The following ZNF385B variants were observed in gnomAD, a reference collection of about 807,000 sequenced individuals.
ZNF385B encodes the protein zinc finger protein 533.
A neutral mutation model predicts 39.2 loss-of-function variants in ZNF385B; 23 were observed. The observed-to-expected ratio is 0.59, with a 90% confidence interval of 0.42 to 0.83. ZNF385B has a LOEUF of 0.83. Among genes scored for constraint, ZNF385B ranks in the 40% least tolerant of loss-of-function variants. The pLI, the probability that ZNF385B is intolerant of heterozygous loss-of-function variation, is 0.00. For synonymous variants in ZNF385B, 205 were observed against 222.6 expected (o/e 0.92, Z 0.70); for missense variants, 552 against 598.9 (o/e 0.92, Z 0.82).
At chr2:179,791,114 C>T (rs1479501153) in intron 1 of ZNF385B, among the ~76,000 whole-genome samples, 1 of 152,172 alleles carries the variant, frequency 6.6e-6, no homozygotes, top group Non-Finnish European at 1.5e-5. Flanking sequence ...TGCAAACTGA[C>T]ATTTAATTAT....
chr2:179,777,762 T>C (rs1418086916), intron 1 of ZNF385B, among the ~76,000 whole-genome samples: 1 of 144,976 alleles, frequency 6.9e-6, no homozygotes, highest in African/African-American at 2.5e-5. Context: ...CTTCCTTATA[T>C]CAAGAGGTTT....
At chr2:179,560,043 C>T (rs190513004) in intron 3 of ZNF385B, among the ~76,000 whole-genome samples, 4 of 152,174 alleles carry the variant, frequency 2.6e-5, no homozygotes, top group Admixed American at 2.6e-4. Context: ...TGGCTTATTT[C>T]ATTTAACGTA....
chr2:179,857,670 G>A (rs1684711675), intron 1 of ZNF385B, among the ~76,000 whole-genome samples: 1 of 152,222 alleles, frequency 6.6e-6, no homozygotes, highest in Non-Finnish European at 1.5e-5. Context: ...GGGTAGGGAG[G>A]GGGAGCTAGT....
intron 4 of ZNF385B, among the ~76,000 whole-genome samples, chr2:179,521,353 G>GTTT (rs56392185): frequency 0.27 from 29,126 of 107,752 alleles, 5,112 homozygotes; most frequent in East Asian, 0.53. Context: ...CACCTGGCCA[G>GTTT]TTTTTTTTTT....
chr2:179,666,493 G>A (rs1695174046), intron 3 of ZNF385B, among the ~76,000 whole-genome samples: 1 of 152,094 alleles, frequency 6.6e-6, no homozygotes, highest in East Asian at 1.9e-4. Context: ...GCTTTCAAAT[G>A]GAGAATATAG....
At chr2:179,640,460 T>A (rs950873712) in intron 3 of ZNF385B, among the ~76,000 whole-genome samples, 1 of 151,948 alleles carries the variant, frequency 6.6e-6, no homozygotes, top group African/African-American at 2.4e-5. Context: ...GAAACATTAA[T>A]CAACATTCTA....
rs114235711 is a variant in ZNF385B, at chr2:179,543,834, T to C, written c.441+993A>G. 6.2e-3 allele frequency among the ~76,000 whole-genome samples: 939 copies of C among 152,282 alleles called. 12 individuals are homozygous for C. The highest frequency in any genetic ancestry group is 0.021 in the African/African-American group (876 of 41,544). On this transcript the variant is annotated intron_variant, in intron 4 of 9. Transcript: ENST00000410066. Reference sequence around the variant, plus strand: ...CCTGACAGAGGGCCTGTCAGCAGATTTTATTGACAATCCTTAAGGAAAAAT... The same window carrying C: ...CCTGACAGAGGGCCTGTCAGCAGATCTTATTGACAATCCTTAAGGAAAAAT...
At chr2:179,701,020 CAAAACAAAAACA>C (rs900762449) in intron 3 of ZNF385B, among the ~76,000 whole-genome samples, 1 of 151,974 alleles carries the variant, frequency 6.6e-6, no homozygotes, top group Admixed American at 6.5e-5. Context: ...TTCAAAAAAA[CAAAACAAAAACA>C]AAAACAAAAC....
intron 3 of ZNF385B, among the ~76,000 whole-genome samples, chr2:179,547,263 G>A (rs1306966407): frequency 6.7e-6 from 1 of 149,356 alleles, no homozygotes; most frequent in East Asian, 1.9e-4. Flanking sequence ...CCTGTGCTTG[G>A]AGGGTATTAC....
intron 3 of ZNF385B, among the ~76,000 whole-genome samples, chr2:179,646,906 T>C (rs950727603): frequency 3.9e-5 from 6 of 152,234 alleles, no homozygotes; most frequent in Admixed American, 3.9e-4. Context: ...GAGACATAGA[T>C]AAAGCTATAA....
intron 3 of ZNF385B, among the ~76,000 whole-genome samples, chr2:179,644,088 G>A (rs913084156): frequency 6.6e-6 from 1 of 151,832 alleles, no homozygotes; most frequent in Non-Finnish European, 1.5e-5. Flanking sequence ...TTTGAGAACT[G>A]CTAGTCTGGC....
intron 3 of ZNF385B, among the ~76,000 whole-genome samples, chr2:179,736,776 C>A (rs1275584830): frequency 1.3e-5 from 2 of 152,070 alleles, no homozygotes; most frequent in Non-Finnish European, 2.9e-5. Flanking sequence ...TCGAGACCAG[C>A]CTGGGCAACA....
At chr2:179,599,730 G>T (rs976797164) in intron 3 of ZNF385B, among the ~76,000 whole-genome samples, 1 of 152,184 alleles carries the variant, frequency 6.6e-6, no homozygotes, top group African/African-American at 2.4e-5. Flanking sequence ...TCAAACAAGT[G>T]ATTGTGTAGA....
intron 3 of ZNF385B, among the ~76,000 whole-genome samples, chr2:179,748,098 T>C (rs1215834723): frequency 6.6e-6 from 1 of 152,142 alleles, no homozygotes; most frequent in Non-Finnish European, 1.5e-5. Flanking sequence ...AGATGTTCTC[T>C]TGCTTAGGCA....
rs554980165 is a variant in ZNF385B at position 179,633,062 on chromosome 2, T to G, written c.299-88093A>C. Among the ~76,000 whole-genome samples the G allele has an allele frequency of 4.4e-4, 67 of 152,284 alleles. 1 individual carries two copies. In the South Asian group the frequency reaches 8.5e-3, roughly 19 times the overall value. ...GCTCTGAAATTGAGGTAATAATTGATAGCCTACCAACTAAAAAATGTCCAG... is the reference window on the plus strand; with the variant it reads ...GCTCTGAAATTGAGGTAATAATTGAGAGCCTACCAACTAAAAAATGTCCAG... On this transcript the variant is annotated intron_variant, in intron 3 of 9. Transcript: ENST00000410066.
chr2:179,782,408 C>T lies in ZNF385B; in HGVS notation c.-154-11736G>A, dbSNP rs537048257. Among the ~76,000 whole-genome samples the T allele has an allele frequency of 2.0e-5, 3 of 152,232 alleles. No homozygotes were observed. The East Asian group carries it at 5.8e-4, about 29-fold the overall frequency. On this transcript the variant is annotated intron_variant, in intron 1 of 9. Transcript: ENST00000410066. Reference sequence around the variant, plus strand: ...AATGGGCAAAAGCTGGAAGCATTCTCATTAAAAACCAGCACAAGACAAGGA... The same window carrying T: ...AATGGGCAAAAGCTGGAAGCATTCTTATTAAAAACCAGCACAAGACAAGGA...
chr2:179,493,737 GTATACATATGTGTA>G lies in ZNF385B; in HGVS notation c.553-10317_553-10304del, dbSNP rs1553572501. ...TATGCATATACGTATATACATATAT[GTATACATATGTGTA>G]TATACATATATGTATACATATATGT... On this transcript the variant is annotated intron_variant, in intron 5 of 9. Transcript: ENST00000410066. 6.2e-5 allele frequency among the ~76,000 whole-genome samples: 8 copies of G among 129,328 alleles called. No homozygotes were observed. In the South Asian group the frequency reaches 1.4e-3, roughly 23 times the overall value. The allele number at this position is 129,328 out of a possible 152,430, so 84.8% of individuals were successfully genotyped here.
intron 4 of ZNF385B, among the ~76,000 whole-genome samples, chr2:179,519,029 G>A (rs1200979629): frequency 2.0e-5 from 3 of 152,144 alleles, no homozygotes; most frequent in African/African-American, 7.2e-5. Flanking sequence ...TGCTCAAGCT[G>A]GAATGCAGTG....
chr2:179,815,495 C>T (rs1431696313), intron 1 of ZNF385B, among the ~76,000 whole-genome samples: 1 of 152,014 alleles, frequency 6.6e-6, no homozygotes, highest in Non-Finnish European at 1.5e-5. Context: ...AGAACTATAC[C>T]GGTATTTCTG....
Sources: gnomAD v4.1 joint callset for allele counts (sites outside exome capture counted in the v4.1 genomes callset) on GRCh38, gnomAD v4.1.1 for gene constraint, MANE v1.5 for transcripts, NCBI Gene and HGNC (gene_info 2026-07-23, HGNC 2026-07-21) for gene names.